The following CSMD1 variants were observed in gnomAD, a reference collection of about 807,000 sequenced individuals.
CSMD1 encodes the protein CUB and Sushi multiple domains 1, also known as CUB and sushi domain-containing protein 1.
Under a neutral mutation model 417.5 loss-of-function variants are expected in CSMD1, and 213 were observed. That is an observed-to-expected ratio of 0.51 (90% CI 0.46 to 0.57). The LOEUF is 0.57. CSMD1 is among the 20% of genes least tolerant of loss of function. The probability of loss-of-function intolerance (pLI) is 0.00; values close to 1 mark genes in which losing one functional copy is unlikely to be tolerated. For missense variants in CSMD1, 6,923 were observed against 4,529.7 expected, an observed-to-expected ratio of 1.53 and a Z score of -15.17; for synonymous variants, 2,862 against 1,736.8, an observed-to-expected ratio of 1.65 and a Z score of -16.11.
At chr8:4,714,361 T>G (rs1231149383) in intron 1 of CSMD1, among the ~76,000 whole-genome samples, 1 of 152,144 alleles carries the variant, frequency 6.6e-6, no homozygotes, top group Non-Finnish European at 1.5e-5. Context: ...GTCAAGAATT[T>G]AAATTAATAT....
chr8:4,778,189 A>C (rs757836540), intron 1 of CSMD1, among the ~76,000 whole-genome samples: 1 of 152,230 alleles, frequency 6.6e-6, no homozygotes, highest in Non-Finnish European at 1.5e-5. Context: ...TTTTCCATTC[A>C]TTAAAATTAC....
At chr8:4,162,653 G>T (rs1173854145) in intron 3 of CSMD1, among the ~76,000 whole-genome samples, 2 of 152,142 alleles carry the variant, frequency 1.3e-5, no homozygotes, top group Admixed American at 6.5e-5. Context: ...GATATGTCAT[G>T]TAACACCTGC....
intron 3 of CSMD1, among the ~76,000 whole-genome samples, chr8:4,306,202 G>A (rs771449551): frequency 2.6e-5 from 4 of 152,208 alleles, no homozygotes; most frequent in Non-Finnish European, 5.9e-5. Flanking sequence ...AAACGCTAGT[G>A]TGCTCTTCAG....
chr8:3,979,274 A>T (rs1585068934), intron 5 of CSMD1, among the ~76,000 whole-genome samples: 2 of 152,302 alleles, frequency 1.3e-5, no homozygotes, highest in African/African-American at 4.8e-5. Context: ...AGCGGATTGC[A>T]ATGTGCTCTA....
At chr8:3,718,492 A>T (rs1377365279) in intron 6 of CSMD1, among the ~76,000 whole-genome samples, 1 of 152,222 alleles carries the variant, frequency 6.6e-6, no homozygotes, top group Non-Finnish European at 1.5e-5. Context: ...AGAGGTACTT[A>T]CTTACAATGT....
chr8:3,630,751 C>G (rs2128217), intron 7 of CSMD1, among the ~76,000 whole-genome samples: 70,985 of 151,892 alleles, frequency 0.47, 16,774 homozygotes, highest in Middle Eastern at 0.61. Context: ...ACTGAGCCAA[C>G]GGTGGTAGCA....
At position 4,594,675 on chromosome 8, in the gene CSMD1, G is replaced by C. The variant is rs138311608; in HGVS notation, c.302+42667C>G. On this transcript the variant is annotated intron_variant, in intron 2 of 69. Transcript: ENST00000635120. ...ACCTACATTTTACTCTGCTGCCCAT[G>C]TGTTGCCTTTGTAATCAAAACTAAA... is the stretch of plus-strand genomic sequence containing the variant. Among the ~76,000 whole-genome samples the C allele has an allele frequency of 5.3e-5, 8 of 152,308 alleles. No individual in the cohort carries two copies. The East Asian group carries it at 1.5e-3, about 29-fold the overall frequency.
chr8:4,900,740 T>A (rs1291729182), intron 1 of CSMD1, among the ~76,000 whole-genome samples: 1 of 152,176 alleles, frequency 6.6e-6, no homozygotes, highest in Non-Finnish European at 1.5e-5. Flanking sequence ...AGTTAACTTA[T>A]CCTTTCATTT....
At position 4,897,178 on chromosome 8, in the gene CSMD1, C is replaced by T. The variant is rs181834945; in HGVS notation, c.85+97154G>A. On this transcript the variant is annotated intron_variant, in intron 1 of 69. Coordinates refer to ENST00000635120, the MANE Select transcript of CSMD1 (RefSeq NM_033225.6). ...TATCTCCCGAGTGCAGAAGAGGAAG[C>T]TGTGCAATGTCAGGGGAGGTAGAAT... 1.3e-3 allele frequency among the ~76,000 whole-genome samples: 198 copies of T among 152,180 alleles called. 1 individual carries two copies. Among genetic ancestry groups the T allele is most frequent in the African/African-American group, 4.6e-3 (192 of 41,460 alleles).
chr8:3,756,894 C>G (rs1023682890), intron 5 of CSMD1, among the ~76,000 whole-genome samples: 5 of 152,126 alleles, frequency 3.3e-5, no homozygotes, highest in Admixed American at 3.3e-4. Flanking sequence ...CTCCTGGGCT[C>G]AAGCCATCCG....
intron 3 of CSMD1, among the ~76,000 whole-genome samples, chr8:4,316,534 TG>T (rs1798942588): frequency 6.6e-6 from 1 of 152,158 alleles, no homozygotes; most frequent in Non-Finnish European, 1.5e-5. Context: ...AATAGATTTC[TG>T]GTAAAATAAT....
At chr8:4,227,488 C>A (rs1016542628) in intron 3 of CSMD1, among the ~76,000 whole-genome samples, 1 of 152,086 alleles carries the variant, frequency 6.6e-6, no homozygotes, top group Non-Finnish European at 1.5e-5. Flanking sequence ...GTCCTGTGCC[C>A]TTGAGGCTGG....
At chr8:4,735,388 T>G (rs1810162810) in intron 1 of CSMD1, among the ~76,000 whole-genome samples, 1 of 152,184 alleles carries the variant, frequency 6.6e-6, no homozygotes, top group Non-Finnish European at 1.5e-5. Context: ...TCTCATCAAT[T>G]TATCTGCCCC....
At chr8:4,129,999 G>C (rs1001536024) in intron 3 of CSMD1, among the ~76,000 whole-genome samples, 3 of 151,878 alleles carry the variant, frequency 2.0e-5, no homozygotes, top group African/African-American at 7.3e-5. Flanking sequence ...TGTTTATTGG[G>C]AATTTTGCCT....
At chr8:4,083,404 A>G (rs1274298588) in intron 3 of CSMD1, among the ~76,000 whole-genome samples, 3 of 152,058 alleles carry the variant, frequency 2.0e-5, no homozygotes, top group Non-Finnish European at 4.4e-5. Context: ...TTGGCTGCAT[A>G]AATGTCTTCC....
chr8:3,694,353 G>A (rs942241874), intron 7 of CSMD1, among the ~76,000 whole-genome samples: 1 of 152,104 alleles, frequency 6.6e-6, no homozygotes, highest in Non-Finnish European at 1.5e-5. Context: ...GGTCACTCAG[G>A]CTGAGGATTT....
At chr8:4,421,329 C>T (rs1207464862) in intron 2 of CSMD1, among the ~76,000 whole-genome samples, 3 of 152,136 alleles carry the variant, frequency 2.0e-5, no homozygotes, top group Admixed American at 2.0e-4. Context: ...CCCTATATAA[C>T]AGTATTTAAT....
At chr8:4,847,179 G>C (rs187744730) in intron 1 of CSMD1, among the ~76,000 whole-genome samples, 2 of 152,184 alleles carry the variant, frequency 1.3e-5, no homozygotes, top group East Asian at 1.9e-4. Flanking sequence ...CTCTCTTTTT[G>C]CATGCAAATC....
chr8:4,154,899 G>C (rs1203099844), intron 3 of CSMD1, among the ~76,000 whole-genome samples: 1 of 152,180 alleles, frequency 6.6e-6, no homozygotes, highest in African/African-American at 2.4e-5. Flanking sequence ...ATTTGTTGAA[G>C]TGATACATTT....
Sources: gnomAD v4.1 joint callset for allele counts (sites outside exome capture counted in the v4.1 genomes callset) on GRCh38, gnomAD v4.1.1 for gene constraint, MANE v1.5 for transcripts, NCBI Gene and HGNC (gene_info 2026-07-23, HGNC 2026-07-21) for gene names.